Variants in ZMAT1 observed in about 807,000 individuals in gnomAD.
ZMAT1 encodes zinc finger matrin-type 1.
In ZMAT1, 11 loss-of-function variants were observed where a neutral mutation model predicts 18.5. The ratio of observed to expected loss-of-function variants is 0.59; its 90% confidence interval spans 0.37 to 0.98. The LOEUF (loss-of-function observed/expected upper bound fraction) is 0.98. Ranked by LOEUF, ZMAT1 falls within the 50% of genes least tolerant of loss-of-function variation. The pLI is 0.01. For missense variants in ZMAT1, 525 were observed against 496.2 expected, an observed-to-expected ratio of 1.06 and a Z score of -0.55; for synonymous variants, 211 against 176.4, an observed-to-expected ratio of 1.20 and a Z score of -1.55.
chrX:101,883,452 A>C lies in ZMAT1; in HGVS notation c.*58T>G. 1.0e-6 allele frequency: 1 copy of C among 1,002,749 alleles called. No individual in the cohort carries two copies. 82.6% of individuals were successfully genotyped at this position (1,002,749 alleles called of 1,213,427 possible). A position where few individuals can be genotyped will look rare whatever the true frequency, so the allele number is the denominator to read the frequency against. On this transcript the variant is annotated 3_prime_UTR_variant, in exon 6 of 6. Coordinates refer to ENST00000651725, the MANE Select transcript of ZMAT1 (RefSeq NM_001394560.1). ...TCTTCATCAGGTGTTCCTTTTTCTAAATCCATATTGACTGTTTTTTTTTTT... is the reference window on the plus strand; with the variant it reads ...TCTTCATCAGGTGTTCCTTTTTCTACATCCATATTGACTGTTTTTTTTTTT...
chrX:101,924,075 A>T (rs1929904533), intron 1 of ZMAT1, among the ~76,000 whole-genome samples: 1 of 111,627 alleles, frequency 9.0e-6, no homozygotes, highest in African/African-American at 3.3e-5. Flanking sequence ...TTTTTATGCT[A>T]CTATAAACTT....
chrX:101,907,489 T>C (rs1382217489), intron 1 of ZMAT1, among the ~76,000 whole-genome samples: 1 of 112,332 alleles, frequency 8.9e-6, no homozygotes, highest in African/African-American at 3.2e-5. Flanking sequence ...AGTCCTTACG[T>C]TTCTTTAAAT....
In ZMAT1 at chrX:101,883,437, G is replaced by C. The variant is rs756585601; in HGVS notation, c.*73C>G. The stretch of plus-strand genomic sequence containing the variant: ...ATCTACCTCTCCTTTTCTTCATCAG[G>C]TGTTCCTTTTTCTAAATCCATATTG... On this transcript the variant is annotated 3_prime_UTR_variant, in exon 6 of 6. Transcript: ENST00000651725. 153 of 867,614 alleles carry C rather than the reference G, an allele frequency of 1.8e-4. No individual in the cohort carries two copies. The Middle Eastern group carries it at 7.8e-3, about 44-fold the overall frequency. 71.5% of individuals were successfully genotyped at this position (867,614 alleles called of 1,213,427 possible). A position where few individuals can be genotyped will look rare whatever the true frequency, so the allele number is the denominator to read the frequency against.
intron 1 of ZMAT1, among the ~76,000 whole-genome samples, chrX:101,906,027 G>A (rs1030449351): frequency 1.8e-5 from 2 of 111,202 alleles, no homozygotes; most frequent in African/African-American, 6.5e-5. Context: ...AGCATAGAGT[G>A]GAGAGAGATA....
chrX:101,894,682 A>G, intron 4 of ZMAT1: 1 of 706,499 alleles, frequency 1.4e-6, no homozygotes, highest in Non-Finnish European at 1.7e-6. Context: ...AAGAGCCCAT[A>G]GAGAAAACAA....
chrX:101,927,261 T>C (rs933092548), intron 1 of ZMAT1, among the ~76,000 whole-genome samples: 1 of 112,237 alleles, frequency 8.9e-6, no homozygotes, highest in African/African-American at 3.2e-5. Context: ...TGAGTTAACC[T>C]ACACAAAATG....
chrX:101,906,012 A>G (rs1420652336), intron 1 of ZMAT1, among the ~76,000 whole-genome samples: 4 of 111,321 alleles, frequency 3.6e-5, no homozygotes, highest in Non-Finnish European at 7.5e-5. Flanking sequence ...CCCCCTACCA[A>G]GCCCAGCATA....
intron 2 of ZMAT1, among the ~76,000 whole-genome samples, chrX:101,900,439 T>C (rs1180219891): frequency 4.5e-5 from 5 of 112,023 alleles, no homozygotes; most frequent in African/African-American, 1.6e-4. Context: ...TTTCAAGTCT[T>C]AGGTTTAAGT....
chrX:101,891,489 A>T (rs891578442), intron 4 of ZMAT1, among the ~76,000 whole-genome samples: 1 of 111,289 alleles, frequency 9.0e-6, no homozygotes, highest in African/African-American at 3.3e-5. Context: ...AAGGCAGAAG[A>T]TAGGTCAGAG....
intron 1 of ZMAT1, among the ~76,000 whole-genome samples, chrX:101,905,605 A>G (rs1291524494): frequency 8.9e-6 from 1 of 112,182 alleles, no homozygotes. Flanking sequence ...ATATGCACAT[A>G]TATGCACAGA....
intron 2 of ZMAT1, among the ~76,000 whole-genome samples, chrX:101,902,315 T>G (rs900963914): frequency 8.9e-6 from 1 of 111,851 alleles, no homozygotes; most frequent in African/African-American, 3.2e-5. Context: ...TTGTAGTCCT[T>G]TCTGTATTCT....
intron 1 of ZMAT1, among the ~76,000 whole-genome samples, chrX:101,922,612 T>C: frequency 9.0e-6 from 1 of 111,153 alleles, no homozygotes; most frequent in Non-Finnish European, 1.9e-5. Context: ...AGGCTGGTCT[T>C]AAACTTCTGA....
intron 1 of ZMAT1, among the ~76,000 whole-genome samples, chrX:101,914,409 TGG>T (rs1929168259): frequency 9.0e-6 from 1 of 110,872 alleles, no homozygotes; most frequent in Admixed American, 9.6e-5. Context: ...AACAAAAAGC[TGG>T]GTTTTTTTTG....
Position 101,884,663 on chromosome X carries a change from T to C in ZMAT1, c.935A>G (p.Tyr312Cys), listed in dbSNP as rs1420531008. 1.5e-5 allele frequency: 18 copies of C among 1,210,844 alleles called. No individual in the cohort carries two copies. The highest frequency in any genetic ancestry group is 2.3e-4 in the Middle Eastern group (1 of 4,351). The change falls in exon 6 of 6, where the codon TAC becomes TGC. Residue 312 changes from tyrosine to cysteine, a missense_variant. Transcript: ENST00000651725. ...MEESSLETRR[Y>C]REVVDSRPRH... ...GGGTCTGGAATCGACCACTTCTCTGTATCTACGGGTTTCCAAAGAACTCTC... is the reference window on the plus strand; with the variant it reads ...GGGTCTGGAATCGACCACTTCTCTGCATCTACGGGTTTCCAAAGAACTCTC...
chrX:101,912,319 C>T (rs1484072591), intron 1 of ZMAT1, among the ~76,000 whole-genome samples: 2 of 111,693 alleles, frequency 1.8e-5, no homozygotes, highest in Non-Finnish European at 3.8e-5. Flanking sequence ...CACTCATGAC[C>T]TTCAGCCTCG....
chrX:101,911,400 A>T (rs1928953968), intron 1 of ZMAT1: 1 of 366,753 alleles, frequency 2.7e-6, no homozygotes, highest in Non-Finnish European at 4.6e-6. Context: ...TAATACTATA[A>T]CAGAGGTGTA....
At chrX:101,886,773 T>C (rs1195198350) in intron 4 of ZMAT1, 42 bp from the exon 5 acceptor site, 1 of 950,767 alleles carries the variant, frequency 1.1e-6, no homozygotes, top group Admixed American at 2.8e-5. Flanking sequence ...TCAGTATAAA[T>C]ACATTTAGAA....
chrX:101,930,696 G>A (rs1930424679), intron 1 of ZMAT1, among the ~76,000 whole-genome samples: 1 of 112,096 alleles, frequency 8.9e-6, no homozygotes, highest in East Asian at 2.8e-4. Flanking sequence ...AGCAAATTCT[G>A]GAAATTAATT....
At chrX:101,927,222 C>T (rs916472175) in intron 1 of ZMAT1, among the ~76,000 whole-genome samples, 1 of 112,422 alleles carries the variant, frequency 8.9e-6, no homozygotes, top group African/African-American at 3.2e-5. Context: ...GAGCAGAGCA[C>T]AGCACTAAGT....
Sources: allele counts gnomAD v4.1 joint callset (sites outside exome capture counted in the v4.1 genomes callset), GRCh38; gene constraint gnomAD v4.1.1; transcripts MANE v1.5; gene names NCBI Gene and HGNC (gene_info 2026-07-23, HGNC 2026-07-21).